MSS51: variants seen among roughly 807,000 people sequenced by gnomAD.
The protein encoded by MSS51 is MSS51 mitochondrial translational activator, also known as putative protein MSS51 homolog, mitochondrial.
A neutral mutation model predicts 40.2 loss-of-function variants in MSS51; 32 were observed. The observed-to-expected ratio is 0.80, with a 90% CI of 0.60 to 1.07. MSS51 has a LOEUF of 1.07. Ranked by LOEUF, MSS51 falls within the 50% of genes least tolerant of loss-of-function variation. The probability of loss-of-function intolerance (pLI) is 0.00; values close to 1 mark genes in which losing one functional copy is unlikely to be tolerated. For missense variants in MSS51, 518 were observed against 568.9 expected, an observed-to-expected ratio of 0.91 and a Z score of 0.91; for synonymous variants, 178 against 214.2, an observed-to-expected ratio of 0.83 and a Z score of 1.48.
rs2055961577 is a variant in MSS51 at position 73,423,813 on chromosome 10, C to A, written c.*740G>T. 1 of 152,486 alleles carries A rather than the reference C, an allele frequency of 6.6e-6. No individual in the cohort carries two copies. The highest frequency in any genetic ancestry group is 1.5e-5 in the Non-Finnish European group (1 of 68,054). The allele number at this position is 152,486 out of a possible 1,614,324, so 9.4% of individuals were successfully genotyped here. A position where few individuals can be genotyped will look rare whatever the true frequency, so the allele number is the denominator to read the frequency against. On this transcript the variant is annotated 3_prime_UTR_variant, in exon 7 of 7. Coordinates refer to ENST00000299432, the MANE Select transcript of MSS51 (RefSeq NM_001024593.2). ...CCTCATCCATGTTCCCAATGACTTCCCTGACTTGTCCATTCTTGCATCACT... is the reference window on the plus strand; with the variant it reads ...CCTCATCCATGTTCCCAATGACTTCACTGACTTGTCCATTCTTGCATCACT...
At position 73,425,894 on chromosome 10, in the gene MSS51, C is replaced by T. The variant is rs753940144; in HGVS notation, c.986G>A (p.Arg329Lys). ...CTCCCAGAAGTCATGGTAGAGGCCC[C>T]TGTGGGCACTAAGCTGAATTGTGCC... ...EPGTIQLSAH[R>K]GLYHDFWEEQ... The change falls in exon 5 of 7, where the codon AGG (arginine) becomes AAG (lysine). Residue 329 changes from arginine to lysine, a missense_variant. Coordinates refer to ENST00000299432, the MANE Select transcript of MSS51 (RefSeq NM_001024593.2). The T allele has an allele frequency of 3.2e-5, 51 of 1,614,024 alleles. No homozygotes were observed. Among genetic ancestry groups the T allele is most frequent in the Non-Finnish European group, 3.8e-5 (45 of 1,180,042 alleles).
chr10:73,428,002 C>T lies in MSS51; in HGVS notation c.221+62G>A, dbSNP rs1002869825. 6.6e-6 allele frequency: 10 copies of T among 1,504,456 alleles called. 1 individual carries two copies. In the African/African-American group the frequency reaches 1.4e-4, roughly 21 times the overall value. The allele number at this position is 1,504,456 out of a possible 1,614,324, so 93.2% of individuals were successfully genotyped here. A position where few individuals can be genotyped will look rare whatever the true frequency, so the allele number is the denominator to read the frequency against. ...TTCACCAAACTGTACTCCCTCTCCA[C>T]CTTCTGAAATTTACTTCTACCAGAG... is the stretch of plus-strand genomic sequence containing the variant. On this transcript the variant is annotated intron_variant, in intron 2 of 6. Transcript: ENST00000299432.
At chr10:73,428,634 C>A (rs913105539) in intron 1 of MSS51, among the ~76,000 whole-genome samples, 1 of 151,770 alleles carries the variant, frequency 6.6e-6, no homozygotes, top group African/African-American at 2.4e-5. Context: ...TACGGGCAGG[C>A]GCCACCAGGC....
intron 1 of MSS51, chr10:73,429,806 A>G: frequency 2.5e-6 from 1 of 404,608 alleles, no homozygotes; most frequent in South Asian, 1.8e-5. Context: ...CAAATATGAG[A>G]AATATATATC....
Position 73,428,163 on chromosome 10 carries a change from C to G in MSS51, c.122G>C (p.Ser41Thr), listed in dbSNP as rs777545701. 37 of 1,613,916 alleles carry G rather than the reference C, an allele frequency of 2.3e-5. No individual in the cohort carries two copies. Among genetic ancestry groups the G allele is most frequent in the Non-Finnish European group, 2.8e-5 (33 of 1,180,010 alleles). Residue 41 changes from serine to threonine, a missense_variant, in exon 2 of 7, where the codon AGC becomes ACC. Physicochemically the swap from Ser to Thr is moderately conservative, Grantham distance 58 (BLOSUM62 1). Coordinates refer to ENST00000299432, the MANE Select transcript of MSS51 (RefSeq NM_001024593.2). ...GGAGAAGAAGCCAAGTGTGTCAATG[C>G]TAGGGCCAGGTTTTGAGGGGGTCAG... ...VPLTPSKPGP[S>T]IDTLGFFSLD...
intron 5 of MSS51, 133 bp downstream of exon 5, chr10:73,425,675 GAAA>G: frequency 5.8e-6 from 3 of 513,026 alleles, no homozygotes; most frequent in Non-Finnish European, 9.2e-6. Flanking sequence ...AAAAAAAAAA[GAAA>G]AAAAAAAAAA....
chr10:73,426,815 A>G (rs1315893575), intron 3 of MSS51, 84 bp from the exon 4 acceptor site: 2 of 1,504,070 alleles, frequency 1.3e-6, no homozygotes, highest in South Asian at 1.2e-5. Flanking sequence ...TCCTGCACCT[A>G]GGATGGTGAA....
chr10:73,424,586 C>T lies in MSS51; in HGVS notation c.1350G>A (p.Arg450=), dbSNP rs150866885. The T allele has an allele frequency of 6.9e-5, 112 of 1,613,928 alleles. No homozygotes were observed. The highest frequency in any genetic ancestry group is 9.3e-5 in the Non-Finnish European group (110 of 1,179,940). Residue 450 remains arginine (R), a synonymous_variant, in exon 7 of 7, where the codon AGG becomes AGA. Coordinates refer to ENST00000299432, the MANE Select transcript of MSS51 (RefSeq NM_001024593.2). ...CGCCGTCCACTTTCTCTTCTAATTG[C>T]CTATTATCCAGCTGACAGGAGCTTC... The part of the protein sequence containing the change: ...FLGSSCQLDN[R]QLEEKVDGGI
At chr10:73,432,277 T>C (rs1291765726) in intron 1 of MSS51, among the ~76,000 whole-genome samples, 1 of 152,126 alleles carries the variant, frequency 6.6e-6, no homozygotes, top group Non-Finnish European at 1.5e-5. Context: ...GACCTCGTGA[T>C]CCACCCACCT....
intron 2 of MSS51, 65 bp from the exon 3 acceptor site, chr10:73,427,833 C>T (rs577742298): frequency 2.9e-5 from 46 of 1,561,308 alleles, no homozygotes; most frequent in Middle Eastern, 1.7e-4. Flanking sequence ...TCTCTCATGC[C>T]CCCCATCTTG....
At position 73,426,198 on chromosome 10, in the gene MSS51, G is replaced by A. The variant is rs773350186; in HGVS notation, c.682C>T (p.Leu228=). The change falls in exon 5 of 7, where the codon CTG becomes TTG. Residue 228 remains leucine, a synonymous_variant. Coordinates refer to ENST00000299432, the MANE Select transcript of MSS51 (RefSeq NM_001024593.2). ...VGRPRPDPDV[L]QGSLKRLLTD... ...AGCAGCCGCTTCAAAGATCCCTGCAGGACATCCGGGTCTGGCCTTGGCCGT... is the reference window on the plus strand; with the variant it reads ...AGCAGCCGCTTCAAAGATCCCTGCAAGACATCCGGGTCTGGCCTTGGCCGT... 3 of 1,614,080 alleles carry A rather than the reference G, an allele frequency of 1.9e-6. No individual in the cohort carries two copies. Among genetic ancestry groups the A allele is most frequent in the African/African-American group, 2.7e-5 (2 of 74,928 alleles).
chr10:73,426,420 G>C, intron 4 of MSS51, 43 bp from the exon 5 acceptor site: 1 of 1,583,398 alleles, frequency 6.3e-7, no homozygotes, highest in Non-Finnish European at 8.6e-7. Flanking sequence ...TGCTTTCCTG[G>C]CTTCAAAATT....
chr10:73,426,431 T>C, intron 4 of MSS51, 54 bp from the exon 5 acceptor site: 2 of 1,578,958 alleles, frequency 1.3e-6, no homozygotes, highest in South Asian at 2.3e-5. Context: ...CTTCAAAATT[T>C]CCCCCTCACT....
At chr10:73,429,536 T>G (rs1284396306) in intron 1 of MSS51, 28 of 442,838 alleles carry the variant, frequency 6.3e-5, no homozygotes, top group Non-Finnish European at 7.7e-5. Flanking sequence ...ATACAAAACG[T>G]GCACTAAGAG....
intron 1 of MSS51, 134 bp downstream of exon 1, chr10:73,433,379 G>GA (rs1328485879): frequency 6.6e-6 from 1 of 152,156 alleles, no homozygotes; most frequent in African/African-American, 2.4e-5. Flanking sequence ...AAGAGAAGGA[G>GA]AAATACATTA....
intron 6 of MSS51, 132 bp downstream of exon 6, chr10:73,424,966 T>TA: frequency 1.2e-6 from 1 of 837,298 alleles, no homozygotes; most frequent in Non-Finnish European, 2.0e-6. Flanking sequence ...TCCAAGGGGA[T>TA]AAAAAAGCCA....
chr10:73,427,483 G>A, intron 3 of MSS51, 130 bp downstream of exon 3: 1 of 871,158 alleles, frequency 1.1e-6, no homozygotes. Flanking sequence ...TTGCTGTGTT[G>A]GCCAGGTTGG....
At chr10:73,424,962 G>A in intron 6 of MSS51, 136 bp downstream of exon 6, 1 of 828,966 alleles carries the variant, frequency 1.2e-6, no homozygotes. Flanking sequence ...CTGTTCCAAG[G>A]GGATAAAAAA....
Position 73,426,162 on chromosome 10 carries a change from G to A in MSS51, c.718C>T (p.Leu240=), listed in dbSNP as rs771896683. The change falls in exon 5 of 7, where the codon CTG becomes TTG. Residue 240 remains leucine, a synonymous_variant. Transcript: ENST00000299432. ...AGGCCTAGAGTCAAGGGCCGTGACA[G>A]GACATCTGTCAGCAGCCGCTTCAAA... The part of the protein sequence containing the change: ...GSLKRLLTDV[L]SRPLTLGLGL... 1 of 1,614,230 alleles carries A rather than the reference G, an allele frequency of 6.2e-7. No homozygotes were observed. The highest frequency in any genetic ancestry group is 8.5e-7 in the Non-Finnish European group (1 of 1,180,042).
Sources: gnomAD v4.1 joint callset for allele counts (sites outside exome capture counted in the v4.1 genomes callset) on GRCh38, gnomAD v4.1.1 for gene constraint, MANE v1.5 for transcripts, NCBI Gene and HGNC (gene_info 2026-07-23, HGNC 2026-07-21) for gene names.